PHLDB1: variants seen among roughly 807,000 people sequenced by gnomAD.
The protein encoded by PHLDB1 is pleckstrin homology like domain family B member 1, also known as pleckstrin homology-like domain family B member 1.
Under a neutral mutation model 139.3 loss-of-function variants are expected in PHLDB1, and 65 were observed. The ratio of observed to expected loss-of-function variants is 0.47; its 90% CI spans 0.38 to 0.57. The LOEUF is 0.57. Ranked by LOEUF, PHLDB1 falls within the 20% of genes least tolerant of loss-of-function variation. The pLI, the probability that PHLDB1 is intolerant of heterozygous loss-of-function variation, is 0.00. For synonymous variants in PHLDB1, 679 were observed against 734.5 expected (o/e 0.92, Z 1.22); for missense variants, 1,624 against 1,839.7 (o/e 0.88, Z 2.14).
Position 118,642,270 on chromosome 11 carries a change from T to C in PHLDB1, c.2753T>C (p.Leu918Pro). The change falls in exon 13 of 23, where the codon CTC becomes CCC. Residue 918 changes from leucine to proline, a missense_variant. Transcript: ENST00000600882. ...CACCTCCAGATGGAGAAGCTGCTGC[T>C]CCCTGCTGTAGACTTAGAGCAGTGG... Reference protein sequence around the residue: ...STLKEMEKLLLPAVDLEQWYQ... With the variant: ...STLKEMEKLLPPAVDLEQWYQ... The C allele has an allele frequency of 6.2e-7, 1 of 1,612,994 alleles. No homozygotes were observed. Among genetic ancestry groups the C allele is most frequent in the Non-Finnish European group, 8.5e-7 (1 of 1,179,974 alleles).
Position 118,647,963 on chromosome 11 carries a change from G to A in PHLDB1, c.3541G>A (p.Glu1181Lys). Residue 1181 changes from glutamate (E) to lysine (K), a missense_variant, in exon 18 of 23, where the codon GAG becomes AAG. Coordinates refer to ENST00000600882, the MANE Select transcript of PHLDB1 (RefSeq NM_001144758.3). Reference sequence around the variant, plus strand: ...GATGGAGCTGCGGCGGCAGGCCCTGGAGGAGGAGCGGCGGAGGCGTGAGCA... The same window carrying A: ...GATGGAGCTGCGGCGGCAGGCCCTGAAGGAGGAGCGGCGGAGGCGTGAGCA... Reference protein sequence around the residue: ...REMELRRQALEEERRRREQVE... With the variant: ...REMELRRQALKEERRRREQVE... 6.3e-7 allele frequency: 1 copy of A among 1,589,268 alleles called. No individual in the cohort carries two copies.
chr11:118,642,415 C>T (rs373347647), intron 13 of PHLDB1, 21 bp downstream of exon 13: 105 of 1,602,090 alleles, frequency 6.6e-5, no homozygotes, highest in Non-Finnish European at 7.6e-5. Flanking sequence ...CTTCACTGCC[C>T]GTCCTCCCCA....
Position 118,628,213 on chromosome 11 carries a change from C to G in PHLDB1, c.1390C>G (p.Leu464Val). The change falls in exon 6 of 23, where the codon CTG (leucine) becomes GTG (valine). Residue 464 changes from leucine to valine, a missense_variant. By Grantham distance (32) the Leu-to-Val change is conservative. Transcript: ENST00000600882. ...MRELPPLSPS[L>V]SRRALSPLPT... is the part of the protein sequence containing the mutation. Reference sequence around the variant, plus strand: ...AGAACTACCCCCCTTAAGTCCATCTCTGTCCCGGCGAGCTCTCTCCCCGCT... The same window carrying G: ...AGAACTACCCCCCTTAAGTCCATCTGTGTCCCGGCGAGCTCTCTCCCCGCT... 2 of 1,614,148 alleles carry G rather than the reference C, an allele frequency of 1.2e-6. No individual in the cohort carries two copies. Among genetic ancestry groups the G allele is most frequent in the Admixed American group, 1.7e-5 (1 of 60,028 alleles).
chr11:118,657,015 C>T lies in PHLDB1; in HGVS notation c.*192C>T, dbSNP rs527440405. ...TGCAGTAACCCTTTAGGGTCCTGCC[C>T]CAGGCCCAGCCAGGGCTGAGGAGCT... On this transcript the variant is annotated 3_prime_UTR_variant, in exon 23 of 23. Transcript: ENST00000600882. 3 of 512,472 alleles carry T rather than the reference C, an allele frequency of 5.9e-6. No individual in the cohort carries two copies. Among genetic ancestry groups the T allele is most frequent in the Admixed American group, 3.3e-5 (1 of 30,372 alleles). 31.7% of individuals were successfully genotyped at this position (512,472 alleles called of 1,614,324 possible).
chr11:118,628,122 A>T lies in PHLDB1; in HGVS notation c.1299A>T (p.Leu433Phe), dbSNP rs1944182157. Residue 433 changes from leucine to phenylalanine, a missense_variant, in exon 6 of 23, where the codon TTA becomes TTT. By Grantham distance (22) the Leu-to-Phe change is conservative. Transcript: ENST00000600882. ...TGGGCCGAACATTTTCAGATGGGTT[A>T]GCCACCCGTACCCTGCAGCCTCCTG... ...QLVGRTFSDGLATRTLQPPES... is the reference protein window; with the variant it reads ...QLVGRTFSDGFATRTLQPPES... The T allele has an allele frequency of 6.2e-7, 1 of 1,613,924 alleles. No individual in the cohort carries two copies.
chr11:118,650,797 CT>C lies in PHLDB1; in HGVS notation c.3874+251del. On this transcript the variant is annotated intron_variant, in intron 20 of 22. Coordinates refer to ENST00000600882, the MANE Select transcript of PHLDB1 (RefSeq NM_001144758.3). This position sits in a 1 kb window ranked among gnomAD's most constrained non-coding sequence, Gnocchi z 4.7. ...TAAGTTCTAGGCACTGTTCTAGGCT[CT>C]GGTGATGAGTAAGATGGCCACAGCG... 1.9e-6 allele frequency: 1 copy of C among 522,110 alleles called. No individual in the cohort carries two copies. 32.3% of individuals were successfully genotyped at this position (522,110 alleles called of 1,614,324 possible).
intron 9 of PHLDB1, chr11:118,634,960 A>G: frequency 2.2e-6 from 1 of 456,670 alleles, no homozygotes; most frequent in Non-Finnish European, 4.4e-6. Flanking sequence ...AGGCACCTGG[A>G]GGCCCGCCAG....
chr11:118,641,961 A>C (rs1555121280), intron 12 of PHLDB1: 1 of 539,916 alleles, frequency 1.9e-6, no homozygotes, highest in African/African-American at 1.9e-5. Context: ...TGTGGTCTGG[A>C]AGTTGTACCC....
chr11:118,632,395 C>T lies in PHLDB1; in HGVS notation c.2379+99C>T. 8.2e-7 allele frequency: 1 copy of T among 1,217,192 alleles called. No individual in the cohort carries two copies. The highest frequency in any genetic ancestry group is 1.2e-6 in the Non-Finnish European group (1 of 847,500). The allele number at this position is 1,217,192 out of a possible 1,614,324, so 75.4% of individuals were successfully genotyped here. ...GCCCTGTACCCTTCACCTCATCATC[C>T]ATTCTGCAGTACAAGTGGTCTCTGT... On this transcript the variant is annotated intron_variant, in intron 9 of 22. Transcript: ENST00000600882. The surrounding 1 kb of genome is among the most constrained non-coding windows in gnomAD (Gnocchi z 5.9).
chr11:118,607,506 C>G (rs1456098920), upstream of PHLDB1: 1 of 128,570 alleles, frequency 7.8e-6, no homozygotes, highest in Non-Finnish European at 1.5e-5. Flanking sequence ...AGGGCGTCTT[C>G]TTTGGCTGGC....
chr11:118,651,511 G>A (rs1374136949), intron 20 of PHLDB1: 1 of 151,936 alleles, frequency 6.6e-6, no homozygotes, highest in East Asian at 1.9e-4. Context: ...TAAAAGGCCG[G>A]GCATGGTGTC....
chr11:118,607,969 C>A lies in PHLDB1; in HGVS notation c.-22+270C>A, dbSNP rs1003285203. ...CAGAGGGGGCCGTGACGCTCTCCCC[C>A]CCTTGGAGAAACTCTGATCCTGGCC... On this transcript the variant is annotated intron_variant, in intron 1 of 22. Coordinates refer to ENST00000600882, the MANE Select transcript of PHLDB1 (RefSeq NM_001144758.3). Among the ~76,000 whole-genome samples the A allele has an allele frequency of 8.1e-4, 123 of 152,194 alleles. 1 individual carries two copies. The highest frequency in any genetic ancestry group is 2.8e-3 in the African/African-American group (116 of 41,550).
chr11:118,625,241 G>A (rs1943655326), intron 5 of PHLDB1, among the ~76,000 whole-genome samples, 182 bp downstream of exon 5: 1 of 152,206 alleles, frequency 6.6e-6, no homozygotes, highest in Non-Finnish European at 1.5e-5. Flanking sequence ...GCTAACCAAG[G>A]CAGTGCTGCT....
chr11:118,647,244 G>C (rs1555129958), intron 17 of PHLDB1: 1 of 152,216 alleles, frequency 6.6e-6, no homozygotes, highest in Non-Finnish European at 1.5e-5. Context: ...AAGTTGTCTA[G>C]ATAACCCATG....
chr11:118,633,807 G>C (rs1016800232), intron 9 of PHLDB1: 2 of 152,312 alleles, frequency 1.3e-5, no homozygotes, highest in African/African-American at 4.8e-5. Context: ...GTTGGGTAGA[G>C]GGATGGGAGT....
chr11:118,615,765 T>C (rs2135793833), intron 3 of PHLDB1: 1 of 382,314 alleles, frequency 2.6e-6, no homozygotes, highest in South Asian at 8.3e-5. Context: ...GCAGTCTTCC[T>C]TCTCCATCTG....
rs1035587739 is a variant in PHLDB1, at chr11:118,628,083, C to T, written c.1260C>T (p.Pro420=). Reference sequence around the variant, plus strand: ...GTGAGCGGGTGCTAACAACCAGCCCCTCACGCCAACTGGTGGGCCGAACAT... The same window carrying T: ...GTGAGCGGGTGCTAACAACCAGCCCTTCACGCCAACTGGTGGGCCGAACAT... ...PGSERVLTTS[P]SRQLVGRTFS... The change falls in exon 6 of 23, where the codon CCC becomes CCT. Residue 420 remains proline, a synonymous_variant. Coordinates refer to ENST00000600882, the MANE Select transcript of PHLDB1 (RefSeq NM_001144758.3). 6.2e-7 allele frequency: 1 copy of T among 1,614,138 alleles called. No homozygotes were observed. The highest frequency in any genetic ancestry group is 8.5e-7 in the Non-Finnish European group (1 of 1,180,038).
rs997105477 is a variant in PHLDB1, at chr11:118,645,865, G to A, written c.3507+40G>A. The A allele has an allele frequency of 1.5e-5, 19 of 1,299,680 alleles. 1 individual carries two copies. Among genetic ancestry groups the A allele is most frequent in the South Asian group, 2.4e-5 (2 of 84,854 alleles). The allele number at this position is 1,299,680 out of a possible 1,614,324, so 80.5% of individuals were successfully genotyped here. A position where few individuals can be genotyped will look rare whatever the true frequency, so the allele number is the denominator to read the frequency against. ...GATCGGGGAGGCAGAAGGTGTTGGG[G>A]CACAGAGCTACCTACTGCATGTCAA... is the stretch of plus-strand genomic sequence containing the variant. On this transcript the variant is annotated intron_variant, in intron 17 of 22. Coordinates refer to ENST00000600882, the MANE Select transcript of PHLDB1 (RefSeq NM_001144758.3). This position sits in a 1 kb window ranked among gnomAD's most constrained non-coding sequence, Gnocchi z 5.1.
chr11:118,655,877 CA>C lies in PHLDB1; in HGVS notation c.3979del (p.Thr1327LeufsTer3). ...CTTCCCAGAAGAGGTTTTTCCGCTT[CA>C]CTATGGTGACTGAGGTACCCCTCCC... is the stretch of plus-strand genomic sequence containing the variant. The part of the protein sequence containing the change: ...SAAKKRFFRF[T>X]MVTESPNPAL... On this transcript the variant is annotated frameshift_variant, in exon 22 of 23. Transcript: ENST00000600882. LOFTEE classifies it high-confidence loss of function. 1 of 1,612,402 alleles carries C rather than the reference CA, an allele frequency of 6.2e-7. No individual in the cohort carries two copies. Among genetic ancestry groups the C allele is most frequent in the Non-Finnish European group, 8.5e-7 (1 of 1,178,428 alleles).
Sources: allele counts gnomAD v4.1 joint callset (sites outside exome capture counted in the v4.1 genomes callset), GRCh38; gene constraint gnomAD v4.1.1; non-coding constraint Gnocchi (gnomAD v3.1); transcripts MANE v1.5; gene names NCBI Gene and HGNC (gene_info 2026-07-23, HGNC 2026-07-21).